Variants in KIF26B observed in about 807,000 individuals in gnomAD.
KIF26B encodes the protein kinesin family member 26B, also known as kinesin-like protein KIF26B.
Under a neutral mutation model 151.2 loss-of-function variants are expected in KIF26B, and 63 were observed. The observed-to-expected ratio is 0.42, with a 90% confidence interval of 0.34 to 0.51. The LOEUF (loss-of-function observed/expected upper bound fraction) is 0.51, where lower values mean the gene tolerates loss of function less well. KIF26B is among the 20% of genes least tolerant of loss of function. KIF26B has a pLI of 0.07. For missense variants in KIF26B, 2,813 were observed against 2,913.6 expected, an observed-to-expected ratio of 0.97 and a Z score of 0.79; for synonymous variants, 1,357 against 1,262.1, an observed-to-expected ratio of 1.08 and a Z score of -1.59.
intron 4 of KIF26B, among the ~76,000 whole-genome samples, chr1:245,487,977 G>T (rs1317493482): frequency 6.6e-6 from 1 of 152,014 alleles, no homozygotes; most frequent in Non-Finnish European, 1.5e-5. Flanking sequence ...TAGTAGAGAT[G>T]AGGCTTCTCC....
rs1366575282 is a variant in KIF26B, at chr1:245,375,168, C to A, written c.999+7801C>A. 1.3e-5 allele frequency among the ~76,000 whole-genome samples: 2 copies of A among 152,172 alleles called. No individual in the cohort carries two copies. Among genetic ancestry groups the A allele is most frequent in the Non-Finnish European group, 2.9e-5 (2 of 68,040 alleles). ...ATGGTGCGAGCTTGGCTCACTGCAA[C>A]CTCCACCTCCCAGGTTCAAGCGATT... On this transcript the variant is annotated intron_variant, in intron 3 of 14. Coordinates refer to ENST00000407071, the MANE Select transcript of KIF26B (RefSeq NM_018012.4). This position sits in a 1 kb window ranked among gnomAD's most constrained non-coding sequence, Gnocchi z 4.2.
intron 2 of KIF26B, among the ~76,000 whole-genome samples, chr1:245,205,895 G>T (rs1281766041): frequency 1.6e-5 from 2 of 123,720 alleles, no homozygotes; most frequent in Admixed American, 1.1e-4. Flanking sequence ...GCCCACATCT[G>T]GCTAATTTAA....
chr1:245,325,329 C>T (rs1671968277), intron 2 of KIF26B, among the ~76,000 whole-genome samples: 2 of 152,174 alleles, frequency 1.3e-5, no homozygotes, highest in Non-Finnish European at 2.9e-5. Context: ...CTCACTTTCA[C>T]CGTGAGCGTC....
At position 245,244,757 on chromosome 1, in the gene KIF26B, C is replaced by CACACAG. The variant is rs748788210; in HGVS notation, c.465+88079_465+88080insGACACA. On this transcript the variant is annotated intron_variant, in intron 2 of 14. Transcript: ENST00000407071. This position sits in a 1 kb window ranked among gnomAD's most constrained non-coding sequence, Gnocchi z 4.2. ...GAAGGAACACACAGACACGCACACT[C>CACACAG]ACACACACACACACACACACACACA... Among the ~76,000 whole-genome samples the CACACAG allele has an allele frequency of 0.071, 27 of 382 alleles. No homozygotes were observed. The highest frequency in any genetic ancestry group is 0.12 in the Non-Finnish European group (20 of 164). 0.3% of individuals were successfully genotyped at this position (382 alleles called of 152,430 possible).
At chr1:245,240,839 G>A (rs1670201185) in intron 2 of KIF26B, among the ~76,000 whole-genome samples, 1 of 152,064 alleles carries the variant, frequency 6.6e-6, no homozygotes, top group East Asian at 1.9e-4. Context: ...GTGGCTCAGG[G>A]AGGCTGGAGG....
At chr1:245,649,987 G>A (rs1339113102) in intron 10 of KIF26B, among the ~76,000 whole-genome samples, 8 of 152,230 alleles carry the variant, frequency 5.3e-5, no homozygotes, top group African/African-American at 1.9e-4. Flanking sequence ...GCGTGGAGCA[G>A]GTTTCCAACC....
At chr1:245,429,312 T>C (rs1658722266) in intron 4 of KIF26B, among the ~76,000 whole-genome samples, 1 of 152,254 alleles carries the variant, frequency 6.6e-6, no homozygotes, top group Non-Finnish European at 1.5e-5. Flanking sequence ...TGACTTTTCG[T>C]TGAGACCTTT....
chr1:245,204,390 T>C (rs1478716676), intron 2 of KIF26B, among the ~76,000 whole-genome samples: 1 of 152,072 alleles, frequency 6.6e-6, no homozygotes, highest in Non-Finnish European at 1.5e-5. Context: ...TTTTTTTTTT[T>C]TGAGATGGAG....
intron 4 of KIF26B, among the ~76,000 whole-genome samples, chr1:245,519,389 A>C (rs1661037525): frequency 6.6e-6 from 1 of 152,068 alleles, no homozygotes; most frequent in Non-Finnish European, 1.5e-5. Context: ...CCCCATCTCT[A>C]CTAAAAATAC....
At position 245,640,122 on chromosome 1, in the gene KIF26B, G is replaced by GCTCGCTCTCGCTCTCTCTCTCTCTCTCT. The variant is rs1553299289; in HGVS notation, c.2099-5996_2099-5995insGCTCTCGCTCTCTCTCTCTCTCTCTCTC. 1.9e-4 allele frequency among the ~76,000 whole-genome samples: 10 copies of GCTCGCTCTCGCTCTCTCTCTCTCTCTCT among 53,974 alleles called. 1 individual carries two copies. The highest frequency in any genetic ancestry group is 2.9e-4 in the Non-Finnish European group (8 of 28,036). The allele number at this position is 53,974 out of a possible 152,430, so 35.4% of individuals were successfully genotyped here. A position where few individuals can be genotyped will look rare whatever the true frequency, so the allele number is the denominator to read the frequency against. On this transcript the variant is annotated intron_variant, in intron 9 of 14. Coordinates refer to ENST00000407071, the MANE Select transcript of KIF26B (RefSeq NM_018012.4). ...CTCCTGTTTAGATCTACTAATATTTGCTCTCTCTCTCTCTCTCTCTCTATA... is the reference window on the plus strand; with the variant it reads ...CTCCTGTTTAGATCTACTAATATTTGCTCGCTCTCGCTCTCTCTCTCTCTCTCTCTCTCTCTCTCTCTCTCTCTCTATA...
In KIF26B at chr1:245,261,721, C is replaced by T. The variant is rs369937630; in HGVS notation, c.465+105038C>T. 9.9e-5 allele frequency among the ~76,000 whole-genome samples: 15 copies of T among 152,060 alleles called. No homozygotes were observed. In the East Asian group the frequency reaches 1.9e-3, roughly 20 times the overall value. On this transcript the variant is annotated intron_variant, in intron 2 of 14. Transcript: ENST00000407071. ...CACCTCAGCCTCTCTATAGCTAGGA[C>T]TACAGGCATGCGCCACCATGCCTGG...
rs57712954 is a variant in KIF26B at position 245,495,206 on chromosome 1, T to C, written c.1167-45561T>C. 6.6e-6 allele frequency among the ~76,000 whole-genome samples: 1 copy of C among 151,780 alleles called. No homozygotes were observed. Among genetic ancestry groups the C allele is most frequent in the Non-Finnish European group, 1.5e-5 (1 of 67,972 alleles). The stretch of plus-strand genomic sequence containing the variant: ...AATCAGTTGAAAATATCCAGAGAGA[T>C]ACATGGAGAACAAAAAGGATCAAAA... On this transcript the variant is annotated intron_variant, in intron 4 of 14. Transcript: ENST00000407071. The surrounding 1 kb of genome is among the most constrained non-coding windows in gnomAD (Gnocchi z 4.2).
At chr1:245,280,735 C>A (rs1671031896) in intron 2 of KIF26B, among the ~76,000 whole-genome samples, 2 of 128,224 alleles carry the variant, frequency 1.6e-5, no homozygotes, top group African/African-American at 3.1e-5. Flanking sequence ...GGTATATCTC[C>A]CAATGCTATC....
intron 2 of KIF26B, among the ~76,000 whole-genome samples, chr1:245,335,689 CGGGGAAAGAAGGGTCCCACGT>C (rs1672207676): frequency 1.5e-5 from 2 of 135,792 alleles, no homozygotes; most frequent in African/African-American, 5.7e-5. Context: ...GGGTCCCACG[CGGGGAAAGAAGGGTCCCACGT>C]GGGGAAAGAA....
At chr1:245,413,083 C>G (rs1674326222) in intron 3 of KIF26B, among the ~76,000 whole-genome samples, 1 of 152,184 alleles carries the variant, frequency 6.6e-6, no homozygotes, top group African/African-American at 2.4e-5. Context: ...AGGTTTCAAT[C>G]AGAACTAAAC....
intron 4 of KIF26B, among the ~76,000 whole-genome samples, chr1:245,431,442 T>G (rs1658779069): frequency 6.6e-6 from 1 of 152,068 alleles, no homozygotes; most frequent in Non-Finnish European, 1.5e-5. Flanking sequence ...CCTCCCGGCT[T>G]CAGGCGATTC....
At chr1:245,486,970 T>A (rs967867489) in intron 4 of KIF26B, among the ~76,000 whole-genome samples, 1 of 152,196 alleles carries the variant, frequency 6.6e-6, no homozygotes, top group Non-Finnish European at 1.5e-5. Context: ...TTCCTGTCCA[T>A]AGAACTGTCC....
intron 2 of KIF26B, among the ~76,000 whole-genome samples, chr1:245,159,659 A>G (rs1668502572): frequency 6.6e-6 from 1 of 152,218 alleles, no homozygotes; most frequent in Non-Finnish European, 1.5e-5. Flanking sequence ...TTTTCTAAAC[A>G]TGCTGCCATA....
At position 245,268,529 on chromosome 1, in the gene KIF26B, TAA is replaced by T. The variant is rs67199541; in HGVS notation, c.466-98301_466-98300del. Among the ~76,000 whole-genome samples the T allele has an allele frequency of 1.1e-3, 135 of 121,256 alleles. 1 individual carries two copies. Among genetic ancestry groups the T allele is most frequent in the Non-Finnish European group, 1.4e-3 (80 of 57,582 alleles). The allele number at this position is 121,256 out of a possible 152,430, so 79.5% of individuals were successfully genotyped here. ...AATAATAATAATAAAGTTTTTTTTT[TAA>T]AAATTGGGATTTTAGACCAATGTGA... is the stretch of plus-strand genomic sequence containing the variant. On this transcript the variant is annotated intron_variant, in intron 2 of 14. Transcript: ENST00000407071.
Sources: allele counts gnomAD v4.1 joint callset (sites outside exome capture counted in the v4.1 genomes callset), GRCh38; gene constraint gnomAD v4.1.1; non-coding constraint Gnocchi (gnomAD v3.1); transcripts MANE v1.5; gene names NCBI Gene and HGNC (gene_info 2026-07-23, HGNC 2026-07-21).